Variants in TTN observed in about 807,000 individuals in gnomAD.
TTN encodes the protein connectin.
Under a neutral mutation model 3,223.0 loss-of-function variants are expected in TTN, and 1,525 were observed. The ratio of observed to expected loss-of-function variants is 0.47; its 90% CI spans 0.45 to 0.49. The LOEUF (loss-of-function observed/expected upper bound fraction) is 0.49. Ranked by LOEUF, TTN falls within the 20% of genes least tolerant of loss-of-function variation. The pLI is 0.00. For synonymous variants in TTN, 14,094 were observed against 15,161.0 expected, an observed-to-expected ratio of 0.93 and a Z score of 5.17; for missense variants, 40,786 against 43,424.0, an observed-to-expected ratio of 0.94 and a Z score of 5.40.
At position 178,636,940 on chromosome 2, in the gene TTN, T is replaced by C. The variant is rs768941281; in HGVS notation, c.40928-141A>G. Reference sequence around the variant, plus strand: ...AAAGACCAGGCAATTGAAAGGCCAATTGAGTTTATACTGCCTTGTTTCAGG... The same window carrying C: ...AAAGACCAGGCAATTGAAAGGCCAACTGAGTTTATACTGCCTTGTTTCAGG... On this transcript the variant is annotated intron_variant, in intron 224 of 362. Transcript: ENST00000589042. This position sits in a 1 kb window ranked among gnomAD's most constrained non-coding sequence, Gnocchi z 4.3. The C allele has an allele frequency of 5.5e-5, 50 of 905,380 alleles. No individual in the cohort carries two copies. Among genetic ancestry groups the C allele is most frequent in the Non-Finnish European group, 6.7e-5 (42 of 627,428 alleles). 56.1% of individuals were successfully genotyped at this position (905,380 alleles called of 1,614,324 possible). A position where few individuals can be genotyped will look rare whatever the true frequency, so the allele number is the denominator to read the frequency against.
Position 178,566,097 on chromosome 2 carries a change from T to G in TTN, c.80035A>C (p.Lys26679Gln). ...SGSKSAFVTV[K>Q]VLDTPGPPQN... ...GGTGGTCCTGGAGTGTCAAGAACTTTCACAGTTACAAAAGCAGACTTTGAT... is the reference window on the plus strand; with the variant it reads ...GGTGGTCCTGGAGTGTCAAGAACTTGCACAGTTACAAAAGCAGACTTTGAT... Residue 26679 changes from lysine to glutamine, a missense_variant, in exon 326 of 363, where the codon AAA (lysine) becomes CAA (glutamine). By Grantham distance (53) the Lys-to-Gln change is moderately conservative. Transcript: ENST00000589042. The G allele has an allele frequency of 1.9e-6, 3 of 1,613,682 alleles. No homozygotes were observed. Among genetic ancestry groups the G allele is most frequent in the Non-Finnish European group, 2.5e-6 (3 of 1,179,680 alleles).
rs776896021 is a variant in TTN, at chr2:178,756,642, CCT to C, written c.10832_10833del (p.Gln3611ArgfsTer3). ...GAACTTTGAGATACACTTTCAAAAA[CCT>C]GCACTTCATATTCATATGATGATCC... ...FQGSSYEYEV[Q>X]VFESVSQSSI... On this transcript the variant is annotated frameshift_variant, in exon 46 of 363. Transcript: ENST00000589042. LOFTEE classifies it high-confidence loss of function. 6.2e-7 allele frequency: 1 copy of C among 1,613,788 alleles called. No homozygotes were observed. The highest frequency in any genetic ancestry group is 8.5e-7 in the Non-Finnish European group (1 of 1,179,798).
rs747655927 is a variant in TTN, at chr2:178,567,162, C to T, written c.78970G>A (p.Val26324Ile). Residue 26324 changes from valine to isoleucine, a missense_variant, in exon 326 of 363, where the codon GTT becomes ATT. Transcript: ENST00000589042. ...DGGSDISHYV[V>I]EKRETSRLAW... is the part of the protein sequence containing the mutation. Reference sequence around the variant, plus strand: ...AGTCGACTGGTTTCTCGCTTTTCAACAACATAGTGAGAAATGTCACTGCCA... The same window carrying T: ...AGTCGACTGGTTTCTCGCTTTTCAATAACATAGTGAGAAATGTCACTGCCA... 1 of 1,613,344 alleles carries T rather than the reference C, an allele frequency of 6.2e-7. No homozygotes were observed. Among genetic ancestry groups the T allele is most frequent in the African/African-American group, 1.3e-5 (1 of 74,878 alleles).
In TTN at chr2:178,561,470, T is replaced by C; in HGVS notation, c.84662A>G (p.Glu28221Gly). 1 of 1,613,788 alleles carries C rather than the reference T, an allele frequency of 6.2e-7. No homozygotes were observed. The highest frequency in any genetic ancestry group is 8.5e-7 in the Non-Finnish European group (1 of 1,179,766). ...TACACGATACTCATACATCAGTCCT[T>C]CATCAAGGCCGGAGACTTTCATTTG... ...DTQMKVSGLD[E>G]GLMYEYRVYA... Residue 28221 changes from glutamate (E) to glycine (G), a missense_variant, in exon 326 of 363, where the codon GAA becomes GGA. By Grantham distance (98) the Glu-to-Gly change is moderately conservative. Coordinates refer to ENST00000589042, the MANE Select transcript of TTN (RefSeq NM_001267550.2).
intron 213 of TTN, 145 bp downstream of exon 213, chr2:178,649,098 TGTTTC>T (rs751950009): frequency 5.3e-5 from 32 of 601,746 alleles, no homozygotes; most frequent in Non-Finnish European, 8.6e-5. Context: ...CCTGCTTGTC[TGTTTC>T]ATTTTTTTCC....
At chr2:178,751,123 A>C in intron 47 of TTN, 1 of 1,612,792 alleles carries the variant, frequency 6.2e-7, no homozygotes, top group South Asian at 1.1e-5. Context: ...CTACCTTATA[A>C]CTTTCAGCTA....
Position 178,528,781 on chromosome 2 carries a change from C to T in TTN, c.106970G>A (p.Gly35657Asp). The part of the protein sequence containing the change: ...NSEEYRYGVS[G>D]SDQTLTIKQA... ...CTTGATGGTTAGGGTCTGATCGCTGCCTGAGACACCATATCGGTACTCCTC... is the reference window on the plus strand; with the variant it reads ...CTTGATGGTTAGGGTCTGATCGCTGTCTGAGACACCATATCGGTACTCCTC... The change falls in exon 360 of 363, where the codon GGC (glycine) becomes GAC (aspartate). Residue 35657 changes from glycine (G) to aspartate (D), a missense_variant. Coordinates refer to ENST00000589042, the MANE Select transcript of TTN (RefSeq NM_001267550.2). 1 of 1,612,558 alleles carries T rather than the reference C, an allele frequency of 6.2e-7. No individual in the cohort carries two copies. The highest frequency in any genetic ancestry group is 8.5e-7 in the Non-Finnish European group (1 of 1,178,810).
chr2:178,702,114 G>A (rs1243481100), intron 108 of TTN, 48 bp from the exon 109 acceptor site: 1 of 1,613,378 alleles, frequency 6.2e-7, no homozygotes, highest in East Asian at 2.2e-5. Context: ...AATGGTATAG[G>A]TAGGCTACGT....
At chr2:178,747,070 T>A in intron 47 of TTN, 1 of 1,612,640 alleles carries the variant, frequency 6.2e-7, no homozygotes, top group Non-Finnish European at 8.5e-7. Flanking sequence ...GTGCCTCCCC[T>A]GGGGGTGTGG....
Position 178,557,909 on chromosome 2 carries a change from C to T in TTN, c.87445G>A (p.Asp29149Asn), listed in dbSNP as rs758707099. The T allele has an allele frequency of 3.1e-6, 5 of 1,613,460 alleles. No individual in the cohort carries two copies. Among genetic ancestry groups the T allele is most frequent in the Middle Eastern group, 1.7e-4 (1 of 6,060 alleles). ...GPPTGPVVIS[D>N]ITEESVTLKW... ...AGAGTCACACTTTCTTCAGTTATAT[C>T]ACTAATAACAACAGGGCCAGTTGGA... is the stretch of plus-strand genomic sequence containing the variant. Residue 29149 changes from aspartate (D) to asparagine (N), a missense_variant, in exon 328 of 363, where the codon GAT becomes AAT. Coordinates refer to ENST00000589042, the MANE Select transcript of TTN (RefSeq NM_001267550.2).
intron 47 of TTN, among the ~76,000 whole-genome samples, chr2:178,742,495 T>A (rs1234653859): frequency 6.6e-6 from 1 of 152,190 alleles, no homozygotes; most frequent in East Asian, 1.9e-4. Context: ...CCTTCTTTCA[T>A]CTATGTAAAT....
chr2:178,664,093 C>T lies in TTN; in HGVS notation c.36286G>A (p.Glu12096Lys), dbSNP rs376660732. The T allele has an allele frequency of 1.2e-4, 192 of 1,609,618 alleles. 1 individual carries two copies. The highest frequency in any genetic ancestry group is 1.7e-4 in the Middle Eastern group (1 of 6,052). The stretch of plus-strand genomic sequence containing the variant: ...TCAGGGATAATCTCTTTGGGAGCTT[C>T]GTGCACTTGAAAGATATTAGTATTT... ...RAEVVPVKVH[E>K]APKEIIPEKK... is the part of the protein sequence containing the mutation. The change falls in exon 169 of 363, where the codon GAA (glutamate) becomes AAA (lysine). Residue 12096 changes from glutamate to lysine, a missense_variant. By Grantham distance (56) the Glu-to-Lys change is moderately conservative. Coordinates refer to ENST00000589042, the MANE Select transcript of TTN (RefSeq NM_001267550.2).
At chr2:178,647,026 G>T in intron 215 of TTN, 38 bp downstream of exon 215, 2 of 766,634 alleles carry the variant, frequency 2.6e-6, no homozygotes, top group South Asian at 1.3e-4. Context: ...GAATCTTCAG[G>T]AGATTAAAAA....
At position 178,784,269 on chromosome 2, in the gene TTN, A is replaced by T; in HGVS notation, c.2576T>A (p.Val859Glu). 6.2e-7 allele frequency: 1 copy of T among 1,614,072 alleles called. No homozygotes were observed. The highest frequency in any genetic ancestry group is 8.5e-7 in the Non-Finnish European group (1 of 1,179,994). Residue 859 changes from valine (V) to glutamate (E), a missense_variant, in exon 16 of 363, where the codon GTG becomes GAG. Coordinates refer to ENST00000589042, the MANE Select transcript of TTN (RefSeq NM_001267550.2). ...ACTGGGCTTCACAGTAGGAGCCTTC[A>T]CCGATTTGGTGATCTTCTGAGCAGA... ...TSSAQKITKSVKAPTVKPSET... is the reference protein window; with the variant it reads ...TSSAQKITKSEKAPTVKPSET...
Position 178,563,169 on chromosome 2 carries a change from C to A in TTN, c.82963G>T (p.Gly27655Cys). Residue 27655 changes from glycine to cysteine, a missense_variant, in exon 326 of 363, where the codon GGT becomes TGT. Coordinates refer to ENST00000589042, the MANE Select transcript of TTN (RefSeq NM_001267550.2). This position sits in a 1 kb window ranked among gnomAD's most constrained non-coding sequence, Gnocchi z 4.5. ...GAGCCAGGTAGAGTTGCAGGTTCACCTACACCTTCAGAATTGATGGCACAA... is the reference window on the plus strand; with the variant it reads ...GAGCCAGGTAGAGTTGCAGGTTCACATACACCTTCAGAATTGATGGCACAA... ...RICAINSEGVGEPATLPGSVV... is the reference protein window; with the variant it reads ...RICAINSEGVCEPATLPGSVV... 6.2e-7 allele frequency: 1 copy of A among 1,613,744 alleles called. No homozygotes were observed.
In TTN at chr2:178,588,550, T is replaced by C; in HGVS notation, c.63175A>G (p.Lys21059Glu). Residue 21059 changes from lysine to glutamate, a missense_variant, in exon 304 of 363, where the codon AAA becomes GAA. By Grantham distance (56) the Lys-to-Glu change is moderately conservative (BLOSUM62 1). Transcript: ENST00000589042. ...AAGGACATCCTACCTATGGGGTCTT[T>C]TGCCACCACCGGTCTTGAAGGCAAG... ...PSLPSRPVVA[K>E]DPIEPPGPPT... The C allele has an allele frequency of 1.3e-6, 2 of 1,526,486 alleles. No homozygotes were observed. The highest frequency in any genetic ancestry group is 1.4e-5 in the African/African-American group (1 of 72,022). 94.6% of individuals were successfully genotyped at this position (1,526,486 alleles called of 1,614,324 possible).
intron 213 of TTN, among the ~76,000 whole-genome samples, chr2:178,648,865 G>C (rs2062450242): frequency 6.6e-6 from 1 of 152,122 alleles, no homozygotes; most frequent in Non-Finnish European, 1.5e-5. Context: ...CTTCCTGTCT[G>C]TATTAGAGTC....
chr2:178,732,922 T>G lies in TTN; in HGVS notation c.16254A>C (p.Arg5418Ser), dbSNP rs1252883471. ...VEGTASLEII[R>S]VDMNDAGNFT... ...AATTCCCTGCATCATTCATGTCTAC[T>G]CTGATGATCTCCAAAGAGGCTGTGC... The change falls in exon 55 of 363, where the codon AGA (arginine) becomes AGC (serine). Residue 5418 changes from arginine (R) to serine (S), a missense_variant. Transcript: ENST00000589042. 1.3e-5 allele frequency: 21 copies of G among 1,613,428 alleles called. No homozygotes were observed. The highest frequency in any genetic ancestry group is 1.8e-5 in the Non-Finnish European group (21 of 1,179,740).
Position 178,541,384 on chromosome 2 carries a change from T to C in TTN, c.97693A>G (p.Thr32565Ala), listed in dbSNP as rs1232892938. Residue 32565 changes from threonine (T) to alanine (A), a missense_variant, in exon 350 of 363, where the codon ACT becomes GCT. Transcript: ENST00000589042. The part of the protein sequence containing the change: ...TMTRYRSTGL[T>A]EGLEYEHRVT... ...CGGTGTTCATATTCTAAGCCTTCAG[T>C]AAGGCCAGTGGAGCGGTACCGTGTC... 4 of 1,610,442 alleles carry C rather than the reference T, an allele frequency of 2.5e-6. No homozygotes were observed. The South Asian group carries it at 4.4e-5, about 18-fold the overall frequency.
Sources: allele counts gnomAD v4.1 joint callset (sites outside exome capture counted in the v4.1 genomes callset), GRCh38; gene constraint gnomAD v4.1.1; non-coding constraint Gnocchi (gnomAD v3.1); transcripts MANE v1.5; gene names NCBI Gene and HGNC (gene_info 2026-07-23, HGNC 2026-07-21).